Variants in SNTB1 observed in about 807,000 individuals in gnomAD.
SNTB1 encodes beta-1-syntrophin.
SNTB1 carries 36 observed loss-of-function variants against 48.9 expected under a neutral mutation model. That is an observed-to-expected ratio of 0.74 (90% CI 0.56 to 0.97). SNTB1 has a LOEUF of 0.97. Ranked by LOEUF, SNTB1 falls within the 50% of genes least tolerant of loss-of-function variation. SNTB1 has a pLI of 0.00. For missense variants in SNTB1, 786 were observed against 703.4 expected (o/e 1.12, Z -1.33); for synonymous variants, 299 against 294.6 (o/e 1.01, Z -0.15).
chr8:120,575,013 A>G (rs1482495439), intron 4 of SNTB1, 73 bp downstream of exon 4: 4 of 1,586,710 alleles, frequency 2.5e-6, no homozygotes. Flanking sequence ...AATATAACGT[A>G]TTGAGCTAAT....
In SNTB1 at chr8:120,592,346, A is replaced by AT. The variant is rs968275986; in HGVS notation, c.997-17122dup. ...AGGTGTGTGCCACCACACCAGGATA[A>AT]TTTTTTTTTCTTTTTTTTCTTTTGT... is the stretch of plus-strand genomic sequence containing the variant. On this transcript the variant is annotated intron_variant, in intron 3 of 6. Transcript: ENST00000517992. Among the ~76,000 whole-genome samples the AT allele has an allele frequency of 5.8e-3, 875 of 150,830 alleles. 9 individuals carry two copies. The highest frequency in any genetic ancestry group is 0.02 in the African/African-American group (813 of 41,042).
At chr8:120,718,203 C>T (rs1466682706) in intron 1 of SNTB1, among the ~76,000 whole-genome samples, 1 of 152,188 alleles carries the variant, frequency 6.6e-6, no homozygotes, top group African/African-American at 2.4e-5. Context: ...AAGCTTGGGC[C>T]CAGGGCCTGT....
chr8:120,608,805 G>A (rs549035417), intron 3 of SNTB1, among the ~76,000 whole-genome samples: 56 of 152,286 alleles, frequency 3.7e-4, no homozygotes, highest in African/African-American at 1.2e-3. Context: ...ACTAAAAGGA[G>A]TACTTTATGA....
chr8:120,622,538 T>G (rs1816810490), intron 3 of SNTB1, among the ~76,000 whole-genome samples: 1 of 152,178 alleles, frequency 6.6e-6, no homozygotes, highest in Admixed American at 6.5e-5. Context: ...CTGAAAATGA[T>G]GTTTGAGAAT....
chr8:120,643,528 C>T (rs1817232213), intron 2 of SNTB1, among the ~76,000 whole-genome samples: 1 of 152,188 alleles, frequency 6.6e-6, no homozygotes, highest in Admixed American at 6.5e-5. Flanking sequence ...TTTGGCTTTC[C>T]ATTCCTGAGT....
intron 2 of SNTB1, chr8:120,637,296 GTCC>G: frequency 3.0e-6 from 1 of 327,940 alleles, no homozygotes; most frequent in Non-Finnish European, 6.1e-6. Flanking sequence ...AGCTTGGCTA[GTCC>G]TCCTGTGGCT....
chr8:120,674,063 T>A (rs1363051857), intron 2 of SNTB1, among the ~76,000 whole-genome samples: 1 of 152,096 alleles, frequency 6.6e-6, no homozygotes, highest in Non-Finnish European at 1.5e-5. Context: ...ACCGAGGCAA[T>A]CATTGTAAAG....
At chr8:120,740,105 C>A (rs1235768416) in intron 1 of SNTB1, among the ~76,000 whole-genome samples, 1 of 152,094 alleles carries the variant, frequency 6.6e-6, no homozygotes, top group Non-Finnish European at 1.5e-5. Context: ...TACTTAGATT[C>A]TTTAAATTTA....
intron 1 of SNTB1, among the ~76,000 whole-genome samples, chr8:120,720,841 G>C (rs1818647330): frequency 6.6e-6 from 1 of 152,168 alleles, no homozygotes; most frequent in African/African-American, 2.4e-5. Flanking sequence ...GAGAAGAAGA[G>C]TGGCCAACCA....
intron 2 of SNTB1, chr8:120,655,001 G>A (rs1465042020): frequency 1.1e-5 from 5 of 455,722 alleles, no homozygotes; most frequent in South Asian, 4.7e-5. Context: ...CATTATGGTC[G>A]CCTTCAGTTC....
intron 2 of SNTB1, among the ~76,000 whole-genome samples, chr8:120,655,391 T>C (rs937007343): frequency 2.6e-5 from 4 of 152,234 alleles, no homozygotes; most frequent in African/African-American, 9.6e-5. Context: ...ACTTGTTCCA[T>C]GAAGAGGCAA....
intron 3 of SNTB1, among the ~76,000 whole-genome samples, chr8:120,576,831 A>G (rs1815959472): frequency 6.6e-6 from 1 of 152,150 alleles, no homozygotes; most frequent in Non-Finnish European, 1.5e-5. Flanking sequence ...AATTTGTAGA[A>G]ATGCTTAATA....
At position 120,693,878 on chromosome 8, in the gene SNTB1, A is replaced by G. The variant is rs1395451834; in HGVS notation, c.602T>C (p.Val201Ala). 8.7e-6 allele frequency: 14 copies of G among 1,614,050 alleles called. No homozygotes were observed. The East Asian group carries it at 3.1e-4, about 36-fold the overall frequency. Reference protein sequence around the residue: ...VKYMREATPYVKKGSPVSEIG... With the variant: ...VKYMREATPYAKKGSPVSEIG... ...CTCGGATACTGGGGATCCTTTCTTCACATAGGGCGTGGCTTCTCGCATGTA... is the reference window on the plus strand; with the variant it reads ...CTCGGATACTGGGGATCCTTTCTTCGCATAGGGCGTGGCTTCTCGCATGTA... The change falls in exon 2 of 7, where the codon GTG (valine) becomes GCG (alanine). Residue 201 changes from valine (V) to alanine (A), a missense_variant. By Grantham distance (64) the Val-to-Ala change is moderately conservative. Transcript: ENST00000517992.
intron 1 of SNTB1, among the ~76,000 whole-genome samples, chr8:120,706,608 C>T (rs913982092): frequency 4.6e-5 from 7 of 152,132 alleles, no homozygotes; most frequent in Non-Finnish European, 1.0e-4. Flanking sequence ...CATCTGAAGA[C>T]AGGAAGTGAG....
intron 3 of SNTB1, among the ~76,000 whole-genome samples, chr8:120,575,886 C>G (rs929517796): frequency 1.3e-5 from 2 of 152,112 alleles, no homozygotes; most frequent in Non-Finnish European, 2.9e-5. Flanking sequence ...CTCTGAAAAC[C>G]CTTCTAATCT....
intron 2 of SNTB1, among the ~76,000 whole-genome samples, chr8:120,691,563 A>C (rs1213089512): frequency 1.3e-5 from 2 of 152,188 alleles, no homozygotes; most frequent in Non-Finnish European, 2.9e-5. Flanking sequence ...TCATTCCCTT[A>C]TCAAAGGAGA....
intron 3 of SNTB1, among the ~76,000 whole-genome samples, chr8:120,618,028 C>G (rs901289227): frequency 6.6e-6 from 1 of 152,124 alleles, no homozygotes; most frequent in East Asian, 1.9e-4. Flanking sequence ...AGATTAATGG[C>G]TATTCTTAAA....
chr8:120,749,888 T>C (rs771673297), intron 1 of SNTB1, among the ~76,000 whole-genome samples: 16 of 152,296 alleles, frequency 1.1e-4, no homozygotes, highest in Non-Finnish European at 2.4e-4. Flanking sequence ...GTGCAAAAAC[T>C]GTCCAAGTCT....
At chr8:120,686,198 C>T (rs186130375) in intron 2 of SNTB1, among the ~76,000 whole-genome samples, 208 of 152,364 alleles carry the variant, frequency 1.4e-3, no homozygotes, top group South Asian at 6.4e-3. Flanking sequence ...CTACCCATTA[C>T]CCAGTTCCAA....
Sources: gnomAD v4.1 joint callset for allele counts (sites outside exome capture counted in the v4.1 genomes callset) on GRCh38, gnomAD v4.1.1 for gene constraint, MANE v1.5 for transcripts, NCBI Gene and HGNC (gene_info 2026-07-23, HGNC 2026-07-21) for gene names.